Variants in LARGE1 observed in about 807,000 individuals in gnomAD.
The protein encoded by LARGE1 is LARGE xylosyl- and glucuronyltransferase 1, also known as xylosyl- and glucuronyltransferase LARGE1.
In LARGE1, 43 loss-of-function variants were observed where a neutral mutation model predicts 87.6. That is an observed-to-expected ratio of 0.49 (90% CI 0.38 to 0.63). The LOEUF (loss-of-function observed/expected upper bound fraction) is 0.63, where lower values mean the gene tolerates loss of function less well. Among genes scored for constraint, LARGE1 ranks in the 30% least tolerant of loss-of-function variants. The pLI, the probability that LARGE1 is intolerant of heterozygous loss-of-function variation, is 0.00. For synonymous variants in LARGE1, 434 were observed against 394.6 expected (o/e 1.10, Z -1.18); for missense variants, 802 against 1,000.2 (o/e 0.80, Z 2.67).
intron 1 of LARGE1, among the ~76,000 whole-genome samples, chr22:33,782,250 G>A (rs1378831354): frequency 6.6e-6 from 1 of 152,108 alleles, no homozygotes; most frequent in African/African-American, 2.4e-5. Context: ...CATTTAAGAC[G>A]GGAGGGAGAG....
intron 11 of LARGE1, among the ~76,000 whole-genome samples, chr22:33,243,559 T>C (rs1926618841): frequency 6.6e-6 from 1 of 152,238 alleles, no homozygotes; most frequent in Non-Finnish European, 1.5e-5. Flanking sequence ...GAGTCATCCA[T>C]TTTATGTGTA....
At position 33,212,746 on chromosome 22, in the gene LARGE1, G is replaced by A. The variant is rs545270427; in HGVS notation, c.1731-45914C>T. Among the ~76,000 whole-genome samples the A allele has an allele frequency of 1.5e-3, 236 of 152,276 alleles. 1 individual carries two copies. Among genetic ancestry groups the A allele is most frequent in the Non-Finnish European group, 2.3e-3 (158 of 68,012 alleles). ...TTAAGAATATTTGTGGGCCGGGTGC[G>A]GTAGCTCATGCCTGTAATCCCAGCA... On this transcript the variant is annotated intron_variant, in intron 11 of 11. Coordinates refer to the LARGE1 transcript ENST00000608642.
chr22:33,113,460 A>C, the LARGE1 span, among the ~76,000 whole-genome samples: 2 of 151,782 alleles, frequency 1.3e-5, no homozygotes, highest in South Asian at 4.2e-4. Context: ...ACCCGCCTTG[A>C]CCTCCCAAAG....
At chr22:33,249,075 G>T (rs1466359945) in intron 11 of LARGE1, among the ~76,000 whole-genome samples, 1 of 152,178 alleles carries the variant, frequency 6.6e-6, no homozygotes, top group Non-Finnish European at 1.5e-5. Flanking sequence ...TAAATACCAA[G>T]GAGTGTAATT....
chr22:33,775,088 AT>A (rs1348645188), intron 1 of LARGE1, among the ~76,000 whole-genome samples: 1 of 152,218 alleles, frequency 6.6e-6, no homozygotes, highest in Middle Eastern at 3.2e-3. Context: ...CCCAGGTACC[AT>A]ACTGACACTT....
chr22:33,507,509 T>C (rs2070822510), intron 6 of LARGE1, among the ~76,000 whole-genome samples: 1 of 152,040 alleles, frequency 6.6e-6, no homozygotes, highest in East Asian at 1.9e-4. Flanking sequence ...TTCAAATTCA[T>C]TGAGACAGAA....
chr22:33,106,598 C>T, the LARGE1 span, among the ~76,000 whole-genome samples: 9 of 151,962 alleles, frequency 5.9e-5, no homozygotes, highest in South Asian at 2.1e-4. Flanking sequence ...CAGGTTGAAG[C>T]GATTCTCCTG....
At chr22:33,104,891 C>CTTTCTT in the LARGE1 span, among the ~76,000 whole-genome samples, 1 of 45,848 alleles carries the variant, frequency 2.2e-5, no homozygotes, top group Non-Finnish European at 4.7e-5. Context: ...CTTTCTCTCT[C>CTTTCTT]TTTCTTTCTT....
At chr22:33,412,604 T>A (rs1369404539) in intron 7 of LARGE1, among the ~76,000 whole-genome samples, 1 of 152,202 alleles carries the variant, frequency 6.6e-6, no homozygotes, top group Non-Finnish European at 1.5e-5. Flanking sequence ...GTTACCTTTG[T>A]TTTTCAAATG....
intron 5 of LARGE1, among the ~76,000 whole-genome samples, chr22:33,578,783 A>G (rs571964146): frequency 1.3e-5 from 2 of 152,332 alleles, no homozygotes; most frequent in Admixed American, 6.5e-5. Flanking sequence ...AATTCTTACC[A>G]ACATTCTTAG....
At chr22:33,615,902 C>T (rs939240107) in intron 4 of LARGE1, among the ~76,000 whole-genome samples, 5 of 152,170 alleles carry the variant, frequency 3.3e-5, no homozygotes, top group African/African-American at 1.2e-4. Context: ...AAATGGCCAA[C>T]AAGCACACGA....
chr22:33,824,982 A>G lies in LARGE1; in HGVS notation c.-82-63424T>C, dbSNP rs535864079. ...TTCTACTACAGCTCATCCCAGGAAC[A>G]CTTTGGGTCTTTGTTTTCTTATTTG... is the stretch of plus-strand genomic sequence containing the variant. On this transcript the variant is annotated intron_variant, in intron 1 of 14. Coordinates refer to ENST00000397394, the MANE Select transcript of LARGE1 (RefSeq NM_133642.5). Among the ~76,000 whole-genome samples, 12 of 152,326 alleles carry G rather than the reference A, an allele frequency of 7.9e-5. No individual in the cohort carries two copies. In the South Asian group the frequency reaches 2.5e-3, roughly 32 times the overall value.
At chr22:33,582,553 C>T (rs2078552021) in intron 5 of LARGE1, among the ~76,000 whole-genome samples, 1 of 152,202 alleles carries the variant, frequency 6.6e-6, no homozygotes, top group Non-Finnish European at 1.5e-5. Flanking sequence ...GTGACTGATT[C>T]AGGGACATCT....
intron 6 of LARGE1, among the ~76,000 whole-genome samples, chr22:33,440,641 T>A (rs2067432197): frequency 1.3e-5 from 2 of 152,204 alleles, no homozygotes; most frequent in Admixed American, 1.3e-4. Flanking sequence ...GGAAAACATA[T>A]AATATCATAT....
chr22:33,141,071 C>T, the LARGE1 span, among the ~76,000 whole-genome samples: 1 of 152,016 alleles, frequency 6.6e-6, no homozygotes, highest in African/African-American at 2.4e-5. Context: ...TCCTGGAGAT[C>T]GTCTTTGCCC....
chr22:33,484,063 G>A (rs1008446003), intron 6 of LARGE1, among the ~76,000 whole-genome samples: 5 of 152,246 alleles, frequency 3.3e-5, no homozygotes, highest in African/African-American at 4.8e-5. Context: ...TTATCTACCC[G>A]GGCTGTACAC....
chr22:33,289,747 T>C (rs1169199169), intron 12 of LARGE1, among the ~76,000 whole-genome samples: 1 of 152,066 alleles, frequency 6.6e-6, no homozygotes, highest in African/African-American at 2.4e-5. Context: ...CAGAGTAAAT[T>C]CACCTTTTCC....
At chr22:33,495,703 T>C (rs2070080981) in intron 6 of LARGE1, among the ~76,000 whole-genome samples, 1 of 152,052 alleles carries the variant, frequency 6.6e-6, no homozygotes, top group South Asian at 2.1e-4. Context: ...TGAGTCAGAG[T>C]GAGACTCTGT....
chr22:33,489,926 G>A (rs964090398), intron 6 of LARGE1, among the ~76,000 whole-genome samples: 3 of 152,182 alleles, frequency 2.0e-5, no homozygotes, highest in Non-Finnish European at 4.4e-5. Flanking sequence ...TGGTGTTGCT[G>A]TCTCTAAAGA....
Sources: allele counts gnomAD v4.1 joint callset (sites outside exome capture counted in the v4.1 genomes callset), GRCh38; gene constraint gnomAD v4.1.1; transcripts MANE v1.5; gene names NCBI Gene and HGNC (gene_info 2026-07-23, HGNC 2026-07-21).